Variants in FGF10 observed in about 807,000 individuals in gnomAD.
The protein encoded by FGF10 is FGF-10.
A neutral mutation model predicts 19.8 loss-of-function variants in FGF10; 2 were observed. That is an observed-to-expected ratio of 0.10 (90% CI 0.04 to 0.32). The LOEUF is 0.32. Among genes scored for constraint, FGF10 ranks in the 10% least tolerant of loss-of-function variants. The pLI is 1.00. For synonymous variants in FGF10, 112 were observed against 94.0 expected, an observed-to-expected ratio of 1.19 and a Z score of -1.10; for missense variants, 191 against 246.3, an observed-to-expected ratio of 0.78 and a Z score of 1.50.
chr5:44,333,287 G>T lies in FGF10; in HGVS notation c.326-22757C>A, dbSNP rs1579912139. Among the ~76,000 whole-genome samples, 10 of 152,190 alleles carry T rather than the reference G, an allele frequency of 6.6e-5. No homozygotes were observed. In the South Asian group the frequency reaches 2.1e-3, roughly 32 times the overall value. On this transcript the variant is annotated intron_variant, in intron 1 of 2. Coordinates refer to ENST00000264664, the MANE Select transcript of FGF10 (RefSeq NM_004465.2). ...ATATAGCTAGATGCACTTAACTCTT[G>T]CATAGTGAGATTTCTTCCCAGACAG...
chr5:44,351,004 C>T (rs1219653574), intron 1 of FGF10, among the ~76,000 whole-genome samples: 1 of 151,336 alleles, frequency 6.6e-6, no homozygotes. Flanking sequence ...AGGTAAATAT[C>T]TATTAATTAA....
rs1741395390 is a variant in FGF10, at chr5:44,358,284, T to G, written c.325+30074A>C. Among the ~76,000 whole-genome samples the G allele has an allele frequency of 4.6e-5, 7 of 151,472 alleles. No homozygotes were observed. The South Asian group carries it at 1.5e-3, about 31-fold the overall frequency. Reference sequence around the variant, plus strand: ...TCCAGTGCCACAATGTATGTTGAAATTCTGGGTAAACATTGGCATGCTTTC... The same window carrying G: ...TCCAGTGCCACAATGTATGTTGAAAGTCTGGGTAAACATTGGCATGCTTTC... On this transcript the variant is annotated intron_variant, in intron 1 of 2. Transcript: ENST00000264664.
chr5:44,327,494 T>C (rs1740641376), intron 1 of FGF10, among the ~76,000 whole-genome samples: 1 of 152,152 alleles, frequency 6.6e-6, no homozygotes, highest in African/African-American at 2.4e-5. Flanking sequence ...CAAAGTCCAA[T>C]ATCTCAGTCC....
At chr5:44,365,488 T>C (rs975085606) in intron 1 of FGF10, among the ~76,000 whole-genome samples, 8 of 151,968 alleles carry the variant, frequency 5.3e-5, no homozygotes, top group Admixed American at 4.6e-4. Context: ...CTCCCCTTTC[T>C]TGCTCCATAA....
chr5:44,302,486 G>T lies in FGF10; in HGVS notation c.*2509C>A, dbSNP rs964852759. ...AGATCCTTCCGTTTCAGCCTCCTGAGTAGTTGGGACCACAGGTATATGCCA... is the reference window on the plus strand; with the variant it reads ...AGATCCTTCCGTTTCAGCCTCCTGATTAGTTGGGACCACAGGTATATGCCA... On this transcript the variant is annotated 3_prime_UTR_variant, in exon 3 of 3. Transcript: ENST00000264664. Among the ~76,000 whole-genome samples the T allele has an allele frequency of 3.3e-5, 5 of 152,046 alleles. No homozygotes were observed. Among genetic ancestry groups the T allele is most frequent in the African/African-American group, 1.2e-4 (5 of 41,400 alleles).
rs549349890 is a variant in FGF10 at position 44,354,218 on chromosome 5, A to G, written c.325+34140T>C. On this transcript the variant is annotated intron_variant, in intron 1 of 2. Coordinates refer to ENST00000264664, the MANE Select transcript of FGF10 (RefSeq NM_004465.2). ...TTGTAAGTAAAACTCTTAAATAGAA[A>G]GTAGAGAGTGGATGGCATGTTGAAC... 4.6e-5 allele frequency among the ~76,000 whole-genome samples: 7 copies of G among 151,514 alleles called. No individual in the cohort carries two copies. The East Asian group carries it at 1.4e-3, about 30-fold the overall frequency.
At chr5:44,336,634 C>G (rs1338015510) in intron 1 of FGF10, among the ~76,000 whole-genome samples, 1 of 152,092 alleles carries the variant, frequency 6.6e-6, no homozygotes, top group East Asian at 1.9e-4. Context: ...GAGTTCAAAT[C>G]CTGGGTCCAC....
intron 1 of FGF10, among the ~76,000 whole-genome samples, chr5:44,347,153 G>A (rs1741107783): frequency 6.6e-6 from 1 of 151,586 alleles, no homozygotes; most frequent in East Asian, 2.0e-4. Flanking sequence ...TGAATGAATG[G>A]ATGAATCTAT....
chr5:44,348,142 T>A (rs1191605314), intron 1 of FGF10, among the ~76,000 whole-genome samples: 1 of 151,694 alleles, frequency 6.6e-6, no homozygotes, highest in East Asian at 1.9e-4. Flanking sequence ...ATGAAGTAGT[T>A]AATAAGGCAC....
intron 1 of FGF10, among the ~76,000 whole-genome samples, chr5:44,372,217 G>T (rs1741756902): frequency 6.6e-6 from 1 of 152,064 alleles, no homozygotes; most frequent in South Asian, 2.1e-4. Flanking sequence ...TCAGCTTCTG[G>T]TGCCACATTC....
intron 1 of FGF10, among the ~76,000 whole-genome samples, chr5:44,355,024 G>C (rs1431315020): frequency 6.6e-6 from 1 of 151,450 alleles, no homozygotes; most frequent in African/African-American, 2.4e-5. Context: ...AAAAGGCAGT[G>C]ACTTTATTCT....
intron 1 of FGF10, among the ~76,000 whole-genome samples, chr5:44,376,330 G>A (rs1264421988): frequency 1.3e-5 from 2 of 151,620 alleles, no homozygotes; most frequent in African/African-American, 2.4e-5. Flanking sequence ...AGTGTCAGTA[G>A]GGGGGTGTAG....
chr5:44,376,502 A>AC lies in FGF10; in HGVS notation c.325+11855_325+11856insG, dbSNP rs1561219445. On this transcript the variant is annotated intron_variant, in intron 1 of 2. Transcript: ENST00000264664. Reference sequence around the variant, plus strand: ...AGAATACAAATGCCAAAAAAAAAAAAAAAAAAAAAAAAAAACAAAAAACCC... The same window carrying AC: ...AGAATACAAATGCCAAAAAAAAAAAACAAAAAAAAAAAAAAACAAAAAACCC... 1.1e-3 allele frequency among the ~76,000 whole-genome samples: 127 copies of AC among 113,612 alleles called. 2 individuals carry two copies. In the East Asian group the frequency reaches 0.013, roughly 12 times the overall value. The allele number at this position is 113,612 out of a possible 152,430, so 74.5% of individuals were successfully genotyped here. A position where few individuals can be genotyped will look rare whatever the true frequency, so the allele number is the denominator to read the frequency against.
chr5:44,325,065 A>G (rs1245165864), intron 1 of FGF10, among the ~76,000 whole-genome samples: 4 of 152,318 alleles, frequency 2.6e-5, no homozygotes, highest in Admixed American at 2.6e-4. Flanking sequence ...TTAGTGTCAT[A>G]ATAAGTGGGC....
At chr5:44,366,129 T>A (rs984303137) in intron 1 of FGF10, among the ~76,000 whole-genome samples, 4 of 139,866 alleles carry the variant, frequency 2.9e-5, no homozygotes, top group South Asian at 2.3e-4. Context: ...ATTATTTCCT[T>A]TTTTTTTTTT....
chr5:44,323,481 G>C (rs1273087577), intron 1 of FGF10, among the ~76,000 whole-genome samples: 1 of 152,094 alleles, frequency 6.6e-6, no homozygotes, highest in African/African-American at 2.4e-5. Context: ...TCTAAGAACA[G>C]GTACTATTAC....
chr5:44,303,264 A>G lies in FGF10; in HGVS notation c.*1731T>C, dbSNP rs921730299. Reference sequence around the variant, plus strand: ...TAATAAAGCAATTTTTAAAAATAACAGATTAACTGGAAGTGCTGGTTAAGT... The same window carrying G: ...TAATAAAGCAATTTTTAAAAATAACGGATTAACTGGAAGTGCTGGTTAAGT... On this transcript the variant is annotated 3_prime_UTR_variant, in exon 3 of 3. Coordinates refer to ENST00000264664, the MANE Select transcript of FGF10 (RefSeq NM_004465.2). Among the ~76,000 whole-genome samples the G allele has an allele frequency of 1.3e-5, 2 of 152,194 alleles. No individual in the cohort carries two copies. Among genetic ancestry groups the G allele is most frequent in the African/African-American group, 4.8e-5 (2 of 41,454 alleles).
chr5:44,339,957 G>C (rs544703745), intron 1 of FGF10, among the ~76,000 whole-genome samples: 1 of 152,048 alleles, frequency 6.6e-6, no homozygotes. Flanking sequence ...TTAGTTAATA[G>C]GACAGGAAAA....
chr5:44,329,445 G>A (rs984070644), intron 1 of FGF10, among the ~76,000 whole-genome samples: 1 of 152,116 alleles, frequency 6.6e-6, no homozygotes, highest in African/African-American at 2.4e-5. Context: ...AAAGTGCTGG[G>A]ATTACAGGTG....
Sources: allele counts gnomAD v4.1 joint callset (sites outside exome capture counted in the v4.1 genomes callset), GRCh38; gene constraint gnomAD v4.1.1; transcripts MANE v1.5; gene names NCBI Gene and HGNC (gene_info 2026-07-23, HGNC 2026-07-21).